Variants in DYNC1I2 observed in about 807,000 individuals in gnomAD.
DYNC1I2 encodes the protein dynein cytoplasmic 1 intermediate chain 2, also known as cytoplasmic dynein 1 intermediate chain 2.
Under a neutral mutation model 88.6 loss-of-function variants are expected in DYNC1I2, and 53 were observed. That is an observed-to-expected ratio of 0.60 (90% CI 0.48 to 0.75). DYNC1I2 has a LOEUF of 0.75. Ranked by LOEUF, DYNC1I2 falls within the 30% of genes least tolerant of loss-of-function variation. The pLI is 0.00. For synonymous variants in DYNC1I2, 198 were observed against 254.6 expected (o/e 0.78, Z 2.12); for missense variants, 458 against 766.6 (o/e 0.60, Z 4.75).
intron 5 of DYNC1I2, among the ~76,000 whole-genome samples, chr2:171,709,678 C>T (rs200418970): frequency 1.1e-3 from 162 of 152,198 alleles, no homozygotes; most frequent in African/African-American, 3.8e-3. Context: ...GTGAGTTTAA[C>T]GGAGAGAAAA....
rs377094818 is a variant in DYNC1I2 at position 171,718,347 on chromosome 2, C to T, written c.511+2904C>T. On this transcript the variant is annotated intron_variant, in intron 7 of 17. Transcript: ENST00000397119. ...GTATATCATAGAGAATTTAGAAGTACAGAAAGGATATAGAGAGGAAATGTT... is the reference window on the plus strand; with the variant it reads ...GTATATCATAGAGAATTTAGAAGTATAGAAAGGATATAGAGAGGAAATGTT... Among the ~76,000 whole-genome samples the T allele has an allele frequency of 4.2e-4, 64 of 152,218 alleles. 2 individuals are homozygous for T. Among genetic ancestry groups the T allele is most frequent in the African/African-American group, 1.5e-3 (62 of 41,540 alleles).
intron 6 of DYNC1I2, 35 bp from the exon 7 acceptor site, chr2:171,715,293 G>T (rs1293928355): frequency 7.5e-7 from 1 of 1,335,246 alleles, no homozygotes; most frequent in Admixed American, 2.0e-5. Context: ...GTTTGATGTA[G>T]TTAAAATTGT....
At chr2:171,718,821 C>T (rs1687708722) in intron 7 of DYNC1I2, among the ~76,000 whole-genome samples, 2 of 152,182 alleles carry the variant, frequency 1.3e-5, no homozygotes, top group Non-Finnish European at 2.9e-5. Flanking sequence ...AGACACTTTA[C>T]ATCATCTGTA....
chr2:171,746,050 TAAA>T, intron 17 of DYNC1I2, 123 bp downstream of exon 17: 1 of 957,988 alleles, frequency 1.0e-6, no homozygotes, highest in African/African-American at 1.6e-5. Context: ...GTTGTAAAGA[TAAA>T]ACTTACTTTC....
chr2:171,710,153 A>ACG (rs995822382), intron 5 of DYNC1I2, among the ~76,000 whole-genome samples: 7 of 151,680 alleles, frequency 4.6e-5, no homozygotes, highest in Non-Finnish European at 8.8e-5. Flanking sequence ...ACACACACAC[A>ACG]CACACACACA....
intron 15 of DYNC1I2, among the ~76,000 whole-genome samples, chr2:171,738,587 C>T (rs1469730800): frequency 1.3e-5 from 2 of 152,128 alleles, no homozygotes; most frequent in African/African-American, 2.4e-5. Context: ...TGGCCATAAG[C>T]ACTCATTTCT....
chr2:171,697,869 A>T (rs1395755024), intron 3 of DYNC1I2, among the ~76,000 whole-genome samples: 1 of 146,934 alleles, frequency 6.8e-6, no homozygotes, highest in African/African-American at 2.7e-5. Flanking sequence ...AAGAAAAGAA[A>T]AGAAAAGAAA....
Position 171,748,219 on chromosome 2 carries a change from TAA to T in DYNC1I2, c.*331_*332del, listed in dbSNP as rs1220977367. 5.2e-6 allele frequency: 1 copy of T among 192,600 alleles called. No homozygotes were observed. 11.9% of individuals were successfully genotyped at this position (192,600 alleles called of 1,614,324 possible). A position where few individuals can be genotyped will look rare whatever the true frequency, so the allele number is the denominator to read the frequency against. On this transcript the variant is annotated 3_prime_UTR_variant, in exon 18 of 18. Coordinates refer to ENST00000397119, the MANE Select transcript of DYNC1I2 (RefSeq NM_001378.3). ...AGTTATTTCTAAAGCACAGATGAAA[TAA>T]GTTCTGCATATTTTTAAATAATCAC...
intron 7 of DYNC1I2, among the ~76,000 whole-genome samples, chr2:171,720,766 A>T (rs10206062): frequency 0.29 from 44,054 of 152,012 alleles, 6,690 homozygotes; most frequent in African/African-American, 0.38. Context: ...TTTTTAAAAG[A>T]TTTTGGAATG....
intron 1 of DYNC1I2, among the ~76,000 whole-genome samples, chr2:171,689,377 T>C (rs1042580390): frequency 6.6e-6 from 1 of 152,230 alleles, no homozygotes; most frequent in Admixed American, 6.5e-5. Flanking sequence ...ACAGCACTTT[T>C]AGAACTTACA....
At chr2:171,700,303 A>G (rs1686150245) in intron 3 of DYNC1I2, among the ~76,000 whole-genome samples, 1 of 152,242 alleles carries the variant, frequency 6.6e-6, no homozygotes, top group South Asian at 2.1e-4. Context: ...GAGAGTCAGA[A>G]GAAAACTGTC....
chr2:171,704,649 A>G (rs956706213), intron 3 of DYNC1I2, among the ~76,000 whole-genome samples: 3 of 152,182 alleles, frequency 2.0e-5, no homozygotes, highest in Non-Finnish European at 4.4e-5. Flanking sequence ...AATGAATTCC[A>G]GAAGTGAGTC....
rs1316012566 is a variant in DYNC1I2, at chr2:171,691,021, G to GA, written c.108+760dup. The stretch of plus-strand genomic sequence containing the variant: ...TATATCATAACTTAGTTTGGACTTT[G>GA]AATTTATCTGAATATTTTGCTAGTC... On this transcript the variant is annotated intron_variant, in intron 2 of 17. Transcript: ENST00000397119. Among the ~76,000 whole-genome samples the GA allele has an allele frequency of 4.8e-4, 73 of 152,210 alleles. 1 individual carries two copies. Among genetic ancestry groups the GA allele is most frequent in the African/African-American group, 1.7e-3 (71 of 41,520 alleles).
At chr2:171,690,289 AAAC>A (rs778759262) in intron 2 of DYNC1I2, 26 bp downstream of exon 2, 18 of 1,471,546 alleles carry the variant, frequency 1.2e-5, no homozygotes, top group South Asian at 7.6e-5. Context: ...TTGCTTAAAT[AAAC>A]AACATAAAGT....
At chr2:171,715,578 G>A in intron 7 of DYNC1I2, 135 bp downstream of exon 7, 2 of 583,590 alleles carry the variant, frequency 3.4e-6, no homozygotes. Flanking sequence ...GGAAACATGA[G>A]AAAACTAATG....
intron 5 of DYNC1I2, among the ~76,000 whole-genome samples, chr2:171,707,920 C>T (rs1034414924): frequency 6.6e-6 from 1 of 152,168 alleles, no homozygotes; most frequent in Admixed American, 6.5e-5. Context: ...CCTGAACTTG[C>T]ATCTTCCTTG....
At chr2:171,721,020 T>G (rs2105646511) in intron 7 of DYNC1I2, among the ~76,000 whole-genome samples, 1 of 148,626 alleles carries the variant, frequency 6.7e-6, no homozygotes, top group East Asian at 2.0e-4. Context: ...GTCAAGGTGG[T>G]GTGCACCTGT....
intron 2 of DYNC1I2, among the ~76,000 whole-genome samples, chr2:171,691,154 T>C (rs1685377360): frequency 6.6e-6 from 1 of 152,228 alleles, no homozygotes; most frequent in South Asian, 2.1e-4. Flanking sequence ...GAGTTAGTCA[T>C]TGAAATATTT....
intron 15 of DYNC1I2, among the ~76,000 whole-genome samples, chr2:171,730,672 A>G (rs1455347798): frequency 6.6e-6 from 1 of 152,146 alleles, no homozygotes; most frequent in Admixed American, 6.5e-5. Flanking sequence ...CATACCCAGC[A>G]TCTGATTCTA....
Sources: allele counts gnomAD v4.1 joint callset (sites outside exome capture counted in the v4.1 genomes callset), GRCh38; gene constraint gnomAD v4.1.1; transcripts MANE v1.5; gene names NCBI Gene and HGNC (gene_info 2026-07-23, HGNC 2026-07-21).